Variants in CRTAP observed in about 807,000 individuals in gnomAD.
CRTAP encodes the protein cartilage-associated protein.
CRTAP carries 33 observed loss-of-function variants against 42.7 expected under a neutral mutation model. The ratio of observed to expected loss-of-function variants is 0.77; its 90% confidence interval spans 0.59 to 1.03. The LOEUF (loss-of-function observed/expected upper bound fraction) is 1.03. Ranked by LOEUF, CRTAP falls within the 50% of genes least tolerant of loss-of-function variation. The probability of loss-of-function intolerance (pLI) is 0.00; values close to 1 mark genes in which losing one functional copy is unlikely to be tolerated. For missense variants in CRTAP, 613 were observed against 533.9 expected (o/e 1.15, Z -1.46); for synonymous variants, 243 against 217.7 (o/e 1.12, Z -1.02).
At chr3:33,139,767 C>T (rs961453583) in intron 6 of CRTAP, among the ~76,000 whole-genome samples, 5 of 152,138 alleles carry the variant, frequency 3.3e-5, no homozygotes, top group Non-Finnish European at 4.4e-5. Context: ...CGTGAGCCAC[C>T]GCACCCGGCC....
chr3:33,117,593 G>A (rs575145967), intron 1 of CRTAP, among the ~76,000 whole-genome samples: 4 of 152,330 alleles, frequency 2.6e-5, no homozygotes, highest in Non-Finnish European at 5.9e-5. Flanking sequence ...CTCTAACCTG[G>A]ACAGAGAACA....
At chr3:33,138,760 A>G in intron 6 of CRTAP, among the ~76,000 whole-genome samples, 1 of 152,170 alleles carries the variant, frequency 6.6e-6, no homozygotes, top group Non-Finnish European at 1.5e-5. Flanking sequence ...TAATCCCAGC[A>G]CTTTGGGAGG....
intron 5 of CRTAP, among the ~76,000 whole-genome samples, chr3:33,133,017 C>T (rs1404007025): frequency 6.6e-6 from 1 of 151,630 alleles, no homozygotes; most frequent in Non-Finnish European, 1.5e-5. Flanking sequence ...GCAGAGGTTG[C>T]TGTGAGCCGA....
intron 2 of CRTAP, 36 bp downstream of exon 2, chr3:33,120,529 C>A: frequency 6.4e-7 from 1 of 1,570,398 alleles, no homozygotes; most frequent in Non-Finnish European, 8.6e-7. Context: ...TTAGTGGCAA[C>A]CTGGACTGTT....
At chr3:33,139,314 AAAG>A (rs796949616) in intron 6 of CRTAP, among the ~76,000 whole-genome samples, 32 of 152,222 alleles carry the variant, frequency 2.1e-4, no homozygotes, top group African/African-American at 6.7e-4. Flanking sequence ...CTGGAAAAAA[AAAG>A]AAGTGGAGAG....
intron 1 of CRTAP, among the ~76,000 whole-genome samples, chr3:33,119,152 C>A (rs1057209412): frequency 1.3e-5 from 2 of 152,166 alleles, no homozygotes; most frequent in Admixed American, 6.5e-5. Context: ...GAATCATTGG[C>A]CCCTTCAATG....
At chr3:33,136,809 C>T (rs564761388) in intron 6 of CRTAP, among the ~76,000 whole-genome samples, 3 of 152,238 alleles carry the variant, frequency 2.0e-5, no homozygotes, top group African/African-American at 4.8e-5. Flanking sequence ...TTGAGGCATC[C>T]GCCCACCTGA....
chr3:33,114,429 T>C lies in CRTAP; in HGVS notation c.352T>C (p.Cys118Arg), dbSNP rs762037331. The change falls in exon 1 of 7, where the codon TGC (cysteine) becomes CGC (arginine). Residue 118 changes from cysteine to arginine, a missense_variant. Transcript: ENST00000320954. ...CGGGGGCCTGCTGCGCCGCGCGCAC[T>C]GCCTCAAGCGCTGCAAGCAGGGCCT... ...LFGGLLRRAH[C>R]LKRCKQGLPA... The C allele has an allele frequency of 2.6e-6, 4 of 1,559,532 alleles. No individual in the cohort carries two copies. Among genetic ancestry groups the C allele is most frequent in the Middle Eastern group, 2.2e-4 (1 of 4,634 alleles).
chr3:33,126,427 C>T lies in CRTAP; in HGVS notation c.793+1848C>T, dbSNP rs1358394893. Among the ~76,000 whole-genome samples, 3 of 152,264 alleles carry T rather than the reference C, an allele frequency of 2.0e-5. No homozygotes were observed. In the East Asian group the frequency reaches 5.8e-4, roughly 29 times the overall value. ...TTGCTGACTGTATCCCCATGTTCCT[C>T]TGTCTTCTGTATTTCTTGTAAATCG... is the stretch of plus-strand genomic sequence containing the variant. On this transcript the variant is annotated intron_variant, in intron 3 of 6. Transcript: ENST00000320954.
chr3:33,130,676 G>A (rs998896134), intron 4 of CRTAP, among the ~76,000 whole-genome samples: 1 of 151,760 alleles, frequency 6.6e-6, no homozygotes, highest in African/African-American at 2.4e-5. Flanking sequence ...GGGATTACAG[G>A]TGTGTGCCAC....
chr3:33,134,159 T>C (rs1686059935), intron 5 of CRTAP, 23 bp from the exon 6 acceptor site: 1 of 1,563,048 alleles, frequency 6.4e-7, no homozygotes, highest in Non-Finnish European at 8.8e-7. Flanking sequence ...TCCTATAAAC[T>C]GTTCTCTGTT....
intron 3 of CRTAP, among the ~76,000 whole-genome samples, 157 bp downstream of exon 3, chr3:33,124,736 GATAA>G (rs2030011286): frequency 6.6e-6 from 1 of 152,198 alleles, no homozygotes; most frequent in Non-Finnish European, 1.5e-5. Flanking sequence ...CACCTGCATA[GATAA>G]ACCTTTGACT....
intron 2 of CRTAP, among the ~76,000 whole-genome samples, chr3:33,123,590 T>G (rs1249282220): frequency 6.6e-6 from 1 of 151,318 alleles, no homozygotes; most frequent in Non-Finnish European, 1.5e-5. Context: ...CATGAACCAA[T>G]TAAACCTCTT....
chr3:33,117,049 G>C (rs1021220932), intron 1 of CRTAP, among the ~76,000 whole-genome samples: 1 of 152,208 alleles, frequency 6.6e-6, no homozygotes, highest in African/African-American at 2.4e-5. Context: ...CAAGGCTGCA[G>C]TGAGCTGTGA....
At chr3:33,136,122 T>C (rs2030413257) in intron 6 of CRTAP, among the ~76,000 whole-genome samples, 1 of 152,232 alleles carries the variant, frequency 6.6e-6, no homozygotes, top group African/African-American at 2.4e-5. Flanking sequence ...TTGCCTGTTG[T>C]GGACATTTCA....
chr3:33,120,288 A>C, intron 1 of CRTAP, 56 bp from the exon 2 acceptor site: 4 of 1,485,604 alleles, frequency 2.7e-6, no homozygotes, highest in Non-Finnish European at 3.8e-6. Flanking sequence ...TTCTTGTTTT[A>C]CAAAAATTAC....
intron 6 of CRTAP, among the ~76,000 whole-genome samples, chr3:33,140,988 C>T (rs938613365): frequency 7.0e-6 from 1 of 143,178 alleles, no homozygotes; most frequent in Non-Finnish European, 1.5e-5. Flanking sequence ...TGTAACCTCC[C>T]TGTCAAGACT....
At chr3:33,121,937 C>T (rs886413947) in intron 2 of CRTAP, among the ~76,000 whole-genome samples, 1 of 152,178 alleles carries the variant, frequency 6.6e-6, no homozygotes, top group East Asian at 1.9e-4. Context: ...CCCAGCCTCC[C>T]GTGGTCCCTC....
intron 6 of CRTAP, among the ~76,000 whole-genome samples, chr3:33,135,780 A>G (rs1032023428): frequency 2.6e-5 from 4 of 152,104 alleles, no homozygotes; most frequent in African/African-American, 9.7e-5. Flanking sequence ...CATATTTATT[A>G]TAAACTCAGC....
Sources: gnomAD v4.1 joint callset for allele counts (sites outside exome capture counted in the v4.1 genomes callset) on GRCh38, gnomAD v4.1.1 for gene constraint, MANE v1.5 for transcripts, NCBI Gene and HGNC (gene_info 2026-07-23, HGNC 2026-07-21) for gene names.